The following ITM2C variants were observed in gnomAD, a reference collection of about 807,000 sequenced individuals.
ITM2C encodes BRICHOS domain containing 2C.
ITM2C carries 20 observed loss-of-function variants against 30.0 expected under a neutral mutation model. That is an observed-to-expected ratio of 0.67 (90% confidence interval 0.47 to 0.97). ITM2C has a LOEUF of 0.97. Ranked by LOEUF, ITM2C falls within the 50% of genes least tolerant of loss-of-function variation. The pLI, the probability that ITM2C is intolerant of heterozygous loss-of-function variation, is 0.00. For synonymous variants in ITM2C, 167 were observed against 156.4 expected (o/e 1.07, Z -0.51); for missense variants, 366 against 371.9 (o/e 0.98, Z 0.13).
Position 230,877,382 on chromosome 2 carries a change from G to T in ITM2C, c.562-18G>T. 3 of 1,611,620 alleles carry T rather than the reference G, an allele frequency of 1.9e-6. No homozygotes were observed. Among genetic ancestry groups the T allele is most frequent in the Non-Finnish European group, 2.5e-6 (3 of 1,178,502 alleles). The stretch of plus-strand genomic sequence containing the variant: ...GCCTGAGGGGCCGACTCACTGTGGC[G>T]GCCACCTTGTTTTGCAGAGGGGGAC... On this transcript the variant is annotated intron_variant, in intron 4 of 5. Coordinates refer to ENST00000326427, the MANE Select transcript of ITM2C (RefSeq NM_030926.6). This position sits in a 1 kb window ranked among gnomAD's most constrained non-coding sequence, Gnocchi z 4.8.
intron 2 of ITM2C, among the ~76,000 whole-genome samples, chr2:230,874,398 TC>T (rs1329263182): frequency 6.6e-6 from 1 of 152,006 alleles, no homozygotes; most frequent in South Asian, 2.1e-4. Context: ...ATGGCCTGCG[TC>T]CCCCTCGTTC....
At chr2:230,867,086 G>A (rs962126915) in intron 1 of ITM2C, among the ~76,000 whole-genome samples, 10 of 152,196 alleles carry the variant, frequency 6.6e-5, no homozygotes, top group African/African-American at 2.4e-4. Context: ...ATGGCCTTGA[G>A]CCTGCTGAGT....
chr2:230,873,593 G>C (rs1559157155), intron 2 of ITM2C, 36 bp downstream of exon 2: 1 of 1,574,980 alleles, frequency 6.3e-7, no homozygotes, highest in Admixed American at 1.9e-5. Flanking sequence ...AAGGCCTCGA[G>C]AAAGGGTCAT....
intron 1 of ITM2C, among the ~76,000 whole-genome samples, chr2:230,868,231 G>T (rs1325823585): frequency 6.6e-6 from 1 of 152,106 alleles, no homozygotes; most frequent in African/African-American, 2.4e-5. Flanking sequence ...GGGGGTGGGG[G>T]CCAGCTGGGC....
At chr2:230,868,751 A>T (rs1176350484) in intron 1 of ITM2C, among the ~76,000 whole-genome samples, 1 of 152,152 alleles carries the variant, frequency 6.6e-6, no homozygotes, top group Non-Finnish European at 1.5e-5. Flanking sequence ...GTCCCGTGCC[A>T]GCCAGGAGGG....
intron 1 of ITM2C, among the ~76,000 whole-genome samples, chr2:230,872,881 T>C (rs1697197791): frequency 6.6e-6 from 1 of 152,100 alleles, no homozygotes; most frequent in South Asian, 2.1e-4. Flanking sequence ...CATTTTAGTC[T>C]ACCCTCTGCA....
chr2:230,875,844 A>AGG, intron 3 of ITM2C, 36 bp downstream of exon 3: 1 of 140,560 alleles, frequency 7.1e-6, no homozygotes, highest in Non-Finnish European at 1.4e-5. Context: ...GGGGGGTGGG[A>AGG]GGGTGTCCCG....
Position 230,875,623 on chromosome 2 carries a change from G to A in ITM2C, c.265G>A (p.Ala89Thr). ...IYRYFFLAQLARDNFFRCGVL... is the reference protein window; with the variant it reads ...IYRYFFLAQLTRDNFFRCGVL... ...TCTGTCTCTCCGCCTTGCTCAGCTG[G>A]CCCGAGATAACTTCTTCCGCTGTGG... Residue 89 changes from alanine (A) to threonine (T), a missense_variant, in exon 3 of 6, where the codon GCC becomes ACC. Physicochemically the swap from Ala to Thr is moderately conservative, Grantham distance 58. Transcript: ENST00000326427. 6 of 1,599,032 alleles carry A rather than the reference G, an allele frequency of 3.8e-6. No homozygotes were observed. Among genetic ancestry groups the A allele is most frequent in the Non-Finnish European group, 5.1e-6 (6 of 1,171,846 alleles).
chr2:230,875,833 T>TGGGG, intron 3 of ITM2C, 25 bp downstream of exon 3: 2 of 134,764 alleles, frequency 1.5e-5, no homozygotes, highest in South Asian at 7.8e-5. Context: ...GGCCTGGGGG[T>TGGGG]GGGGGGTGGG....
intron 3 of ITM2C, among the ~76,000 whole-genome samples, chr2:230,876,585 C>T (rs960889716): frequency 6.6e-6 from 1 of 152,128 alleles, no homozygotes; most frequent in Non-Finnish European, 1.5e-5. Context: ...GGGTTCACAC[C>T]ATTCTCCCGC....
At chr2:230,864,223 A>G (rs563809501), upstream of ITM2C, among the ~76,000 whole-genome samples, 37 of 152,288 alleles carry the variant, frequency 2.4e-4, no homozygotes, top group African/African-American at 8.4e-4. This position sits in a 1 kb window ranked among gnomAD's most constrained non-coding sequence, Gnocchi z 4.3. Context: ...AGACAAGGGC[A>G]GTTCAGGAGG....
At chr2:230,874,426 AC>A (rs1468079006) in intron 2 of ITM2C, among the ~76,000 whole-genome samples, 1 of 151,352 alleles carries the variant, frequency 6.6e-6, no homozygotes, top group African/African-American at 2.4e-5. Flanking sequence ...CCTGTGTGGG[AC>A]CTTCCCACAG....
Position 230,875,752 on chromosome 2 carries a change from C to T in ITM2C, c.394C>T (p.Pro132Ser). ...CGAGAACTACGAGCGCATCAACGTG[C>T]CTGTGCCCCAGTTTGGCGGCGGTGA... ...LDENYERINV[P>S]VPQFGGGDPA... is the part of the protein sequence containing the mutation. The change falls in exon 3 of 6, where the codon CCT becomes TCT. Residue 132 changes from proline (P) to serine (S), a missense_variant. Physicochemically the swap from Pro to Ser is moderately conservative, Grantham distance 74. Transcript: ENST00000326427. 1 of 1,612,862 alleles carries T rather than the reference C, an allele frequency of 6.2e-7. No individual in the cohort carries two copies. The highest frequency in any genetic ancestry group is 8.5e-7 in the Non-Finnish European group (1 of 1,179,714).
chr2:230,868,630 T>C (rs1697090790), intron 1 of ITM2C, among the ~76,000 whole-genome samples: 1 of 152,222 alleles, frequency 6.6e-6, no homozygotes, highest in African/African-American at 2.4e-5. Flanking sequence ...TGGTCCTGTG[T>C]CACCCCCTCC....
chr2:230,868,263 C>A (rs182150357), intron 1 of ITM2C, among the ~76,000 whole-genome samples: 2,779 of 152,142 alleles, frequency 0.018, 35 homozygotes, highest in South Asian at 0.054. Context: ...CGGCCTCCCC[C>A]CCTGGTGTTT....
At chr2:230,874,328 C>T (rs1697237584) in intron 2 of ITM2C, among the ~76,000 whole-genome samples, 1 of 152,112 alleles carries the variant, frequency 6.6e-6, no homozygotes, top group Admixed American at 6.5e-5. Flanking sequence ...AAGCTCAGCT[C>T]ACATACACCC....
At position 230,864,998 on chromosome 2, in the gene ITM2C, C is replaced by T. The variant is rs1441725242; in HGVS notation, c.-28C>T. 4.1e-6 allele frequency: 6 copies of T among 1,446,420 alleles called. No individual in the cohort carries two copies. Among genetic ancestry groups the T allele is most frequent in the African/African-American group, 2.9e-5 (2 of 68,636 alleles). 89.6% of individuals were successfully genotyped at this position (1,446,420 alleles called of 1,614,324 possible). ...ACCGAGGCTGCACCGGCAGAGGCTG[C>T]GGGGCGGACGCGCGGGCCGGCGCAG... On this transcript the variant is annotated 5_prime_UTR_variant, in exon 1 of 6. Coordinates refer to ENST00000326427, the MANE Select transcript of ITM2C (RefSeq NM_030926.6). This position sits in a 1 kb window ranked among gnomAD's most constrained non-coding sequence, Gnocchi z 4.3.
chr2:230,869,316 A>G (rs1490498758), intron 1 of ITM2C, among the ~76,000 whole-genome samples: 1 of 152,198 alleles, frequency 6.6e-6, no homozygotes, highest in Non-Finnish European at 1.5e-5. Flanking sequence ...CAGGAGAGTG[A>G]TGGGGACCCC....
In ITM2C at chr2:230,865,062, A is replaced by G. The variant is rs776962500; in HGVS notation, c.37A>G (p.Ile13Val). 1.8e-5 allele frequency: 28 copies of G among 1,534,834 alleles called. No homozygotes were observed. In the East Asian group the frequency reaches 5.7e-4, roughly 31 times the overall value. Residue 13 changes from isoleucine to valine, a missense_variant, in exon 1 of 6, where the codon ATC (isoleucine) becomes GTC (valine). Physicochemically the swap from Ile to Val is conservative, Grantham distance 29. Transcript: ENST00000326427. The surrounding 1 kb of genome is among the most constrained non-coding windows in gnomAD (Gnocchi z 6.8). ...KISFQPAVAG[I>V]KGDKADKASA... The stretch of plus-strand genomic sequence containing the variant: ...TAGCTTCCAGCCCGCCGTGGCTGGC[A>G]TCAAGGGCGACAAGGCTGACAAGGC...
Sources: allele counts gnomAD v4.1 joint callset (sites outside exome capture counted in the v4.1 genomes callset), GRCh38; gene constraint gnomAD v4.1.1; non-coding constraint Gnocchi (gnomAD v3.1); transcripts MANE v1.5; gene names NCBI Gene and HGNC (gene_info 2026-07-23, HGNC 2026-07-21).